The following C8orf34 variants were observed in gnomAD, a reference collection of about 807,000 sequenced individuals.
The protein encoded by C8orf34 is uncharacterized protein C8orf34.
Under a neutral mutation model 68.3 loss-of-function variants are expected in C8orf34, and 65 were observed. The observed-to-expected ratio is 0.95, with a 90% CI of 0.78 to 1.17. The LOEUF is 1.17. C8orf34 is among the 50% of genes most tolerant of loss of function. The pLI is 0.00. For missense variants in C8orf34, 664 were observed against 655.4 expected (o/e 1.01, Z -0.14); for synonymous variants, 244 against 241.2 (o/e 1.01, Z -0.11).
chr8:68,656,740 A>G (rs1563589609), intron 8 of C8orf34, among the ~76,000 whole-genome samples: 1 of 152,090 alleles, frequency 6.6e-6, no homozygotes, highest in Non-Finnish European at 1.5e-5. Flanking sequence ...ACTCCAACCC[A>G]GTCCCTGGAG....
intron 8 of C8orf34, among the ~76,000 whole-genome samples, chr8:68,674,848 T>C (rs188630932): frequency 1.3e-5 from 2 of 149,548 alleles, no homozygotes; most frequent in East Asian, 3.9e-4. Flanking sequence ...CATTTAATAG[T>C]CAAACTCCCA....
chr8:68,374,250 T>G (rs377317819), intron 1 of C8orf34, among the ~76,000 whole-genome samples: 46 of 152,232 alleles, frequency 3.0e-4, no homozygotes, highest in African/African-American at 1.1e-3. Flanking sequence ...ACTTTAGAAT[T>G]TTTTTTAATG....
intron 1 of C8orf34, among the ~76,000 whole-genome samples, chr8:68,378,023 C>A (rs1807877119): frequency 6.6e-6 from 1 of 152,152 alleles, no homozygotes; most frequent in East Asian, 1.9e-4. Flanking sequence ...CCCCATGATC[C>A]AAATACCTCT....
chr8:68,596,241 C>T (rs1019294929), intron 7 of C8orf34, among the ~76,000 whole-genome samples: 1 of 152,004 alleles, frequency 6.6e-6, no homozygotes, highest in Non-Finnish European at 1.5e-5. Context: ...GACAGAGAAC[C>T]TCTGGCGGAG....
chr8:68,432,454 A>G (rs1586129201), intron 1 of C8orf34, among the ~76,000 whole-genome samples: 1 of 151,886 alleles, frequency 6.6e-6, no homozygotes, highest in South Asian at 2.1e-4. Flanking sequence ...GGGGTTACAG[A>G]TGCACACCAC....
Position 68,595,999 on chromosome 8 carries a change from C to G in C8orf34, c.1106-44377C>G, listed in dbSNP as rs555874281. The stretch of plus-strand genomic sequence containing the variant: ...GTTTCCAATATCACCCTTTATGTCT[C>G]TGAAGATATCCATTATGATTATTGT... On this transcript the variant is annotated intron_variant, in intron 7 of 13. Transcript: ENST00000518698. Among the ~76,000 whole-genome samples, 11 of 152,218 alleles carry G rather than the reference C, an allele frequency of 7.2e-5. 1 individual carries two copies. The South Asian group carries it at 2.3e-3, about 32-fold the overall frequency.
chr8:68,635,832 CA>C (rs1443000130), intron 7 of C8orf34, among the ~76,000 whole-genome samples: 1 of 152,252 alleles, frequency 6.6e-6, no homozygotes, highest in East Asian at 1.9e-4. Context: ...TCTGCAGGCA[CA>C]GGGGGAACTC....
At chr8:68,499,466 A>T (rs569207728) in intron 5 of C8orf34, among the ~76,000 whole-genome samples, 1 of 152,324 alleles carries the variant, frequency 6.6e-6, no homozygotes, top group African/African-American at 2.4e-5. Context: ...CCGTATGTCC[A>T]TACTGATATA....
chr8:68,657,287 C>T (rs1819536693), intron 8 of C8orf34, among the ~76,000 whole-genome samples: 1 of 152,022 alleles, frequency 6.6e-6, no homozygotes, highest in Non-Finnish European at 1.5e-5. Flanking sequence ...AATCTATTTC[C>T]CAGTATATAT....
intron 7 of C8orf34, among the ~76,000 whole-genome samples, chr8:68,544,079 G>A (rs1815789579): frequency 6.6e-6 from 1 of 152,142 alleles, no homozygotes; most frequent in African/African-American, 2.4e-5. Context: ...GATTGCTGAG[G>A]TGACTGGTGT....
intron 8 of C8orf34, among the ~76,000 whole-genome samples, chr8:68,706,095 A>C (rs1006776187): frequency 1.3e-5 from 2 of 152,204 alleles, no homozygotes; most frequent in Non-Finnish European, 2.9e-5. Context: ...GGAAAAAAGA[A>C]AGACAATCAA....
chr8:68,477,028 A>G (rs542132597), intron 4 of C8orf34, among the ~76,000 whole-genome samples: 1 of 152,258 alleles, frequency 6.6e-6, no homozygotes, highest in South Asian at 2.1e-4. Flanking sequence ...TCTTGTAGCC[A>G]TAGGAATTTA....
intron 7 of C8orf34, among the ~76,000 whole-genome samples, chr8:68,619,503 C>A (rs936661979): frequency 6.6e-6 from 1 of 152,022 alleles, no homozygotes; most frequent in Non-Finnish European, 1.5e-5. Flanking sequence ...GCCCTTGAAC[C>A]AATGTATTTT....
intron 8 of C8orf34, among the ~76,000 whole-genome samples, chr8:68,664,622 A>C (rs1360576056): frequency 6.6e-6 from 1 of 152,150 alleles, no homozygotes; most frequent in Non-Finnish European, 1.5e-5. Flanking sequence ...GCGAAGCTAA[A>C]TTATCAGGAT....
chr8:68,621,886 A>C (rs191317616), intron 7 of C8orf34, among the ~76,000 whole-genome samples: 19 of 152,356 alleles, frequency 1.2e-4, no homozygotes, highest in Non-Finnish European at 1.8e-4. Flanking sequence ...TTAGCAGCTT[A>C]AAACAACACC....
chr8:68,396,958 G>C (rs1365964615), intron 1 of C8orf34, among the ~76,000 whole-genome samples: 1 of 151,660 alleles, frequency 6.6e-6, no homozygotes, highest in East Asian at 1.9e-4. Flanking sequence ...AACACAAATG[G>C]ACTAAGACAC....
intron 8 of C8orf34, among the ~76,000 whole-genome samples, chr8:68,705,177 A>G (rs898909772): frequency 2.0e-5 from 3 of 152,174 alleles, no homozygotes; most frequent in African/African-American, 7.2e-5. Flanking sequence ...TACAAGTAAT[A>G]TGTCCTATAA....
chr8:68,729,361 T>A (rs1474191914), intron 10 of C8orf34, among the ~76,000 whole-genome samples: 2 of 152,212 alleles, frequency 1.3e-5, no homozygotes, highest in Non-Finnish European at 2.9e-5. Context: ...TTATACACAA[T>A]GAACATTGCC....
rs371148757 is a variant in C8orf34, at chr8:68,624,413, TAGA to T, written c.1106-15960_1106-15958del. Among the ~76,000 whole-genome samples, 17 of 152,290 alleles carry T rather than the reference TAGA, an allele frequency of 1.1e-4. No homozygotes were observed. The East Asian group carries it at 3.1e-3, about 28-fold the overall frequency. On this transcript the variant is annotated intron_variant, in intron 7 of 13. Coordinates refer to ENST00000518698, the MANE Select transcript of C8orf34 (RefSeq NM_052958.4). Reference sequence around the variant, plus strand: ...AAACACTAGTTTGAGAAATCATCTGTAGAAGGTGCATGTATAACACTTCAGCGG... The same window carrying T: ...AAACACTAGTTTGAGAAATCATCTGTAGGTGCATGTATAACACTTCAGCGG...
Sources: allele counts gnomAD v4.1 joint callset (sites outside exome capture counted in the v4.1 genomes callset), GRCh38; gene constraint gnomAD v4.1.1; transcripts MANE v1.5; gene names NCBI Gene and HGNC (gene_info 2026-07-23, HGNC 2026-07-21).